PML: variants seen among roughly 807,000 people sequenced by gnomAD.
PML encodes protein PML.
A neutral mutation model predicts 65.2 loss-of-function variants in PML; 28 were observed. The observed-to-expected ratio is 0.43, with a 90% CI of 0.32 to 0.59. The LOEUF is 0.59. PML is among the 20% of genes least tolerant of loss of function. The pLI is 0.08. For synonymous variants in PML, 500 were observed against 508.8 expected (o/e 0.98, Z 0.23); for missense variants, 1,021 against 1,203.4 (o/e 0.85, Z 2.24).
At chr15:74,010,546 A>G (rs1366638354) in intron 2 of PML, among the ~76,000 whole-genome samples, 1 of 151,876 alleles carries the variant, frequency 6.6e-6, no homozygotes, top group African/African-American at 2.4e-5. Context: ...AGAAATTAAC[A>G]AGCTTTTCTC....
rs747300098 is a variant in PML at position 73,998,249 on chromosome 15, G to A, written c.375G>A (p.Ala125=). ...RLSVYRQIVD[A]QAVCTRCKES... is the part of the protein sequence containing the mutation. ...CGGTGTACCGGCAGATTGTGGATGC[G>A]CAGGCTGTGTGCACCCGCTGCAAAG... Residue 125 remains alanine, a synonymous_variant, in exon 2 of 9, where the codon GCG becomes GCA. Transcript: ENST00000268058. The A allele has an allele frequency of 4.0e-5, 64 of 1,614,140 alleles. No homozygotes were observed. In the East Asian group the frequency reaches 1.3e-3, roughly 32 times the overall value.
At position 74,042,935 on chromosome 15, in the gene PML, A is replaced by G; in HGVS notation, c.1711-54A>G. 1.2e-6 allele frequency: 2 copies of G among 1,612,052 alleles called. No homozygotes were observed. Among genetic ancestry groups the G allele is most frequent in the East Asian group, 2.2e-5 (1 of 44,828 alleles). On this transcript the variant is annotated intron_variant, in intron 7 of 8. Coordinates refer to ENST00000268058, the MANE Select transcript of PML (RefSeq NM_033238.3). This position sits in a 1 kb window ranked among gnomAD's most constrained non-coding sequence, Gnocchi z 5.3. Reference sequence around the variant, plus strand: ...ATACCAGCTTGCTAGTGTTCTGCACAGGTGCTTGCCTTGGCCCTCTGAATC... The same window carrying G: ...ATACCAGCTTGCTAGTGTTCTGCACGGGTGCTTGCCTTGGCCCTCTGAATC...
At chr15:74,000,625 G>A (rs74514750) in intron 2 of PML, among the ~76,000 whole-genome samples, 7,034 of 152,194 alleles carry the variant, frequency 0.046, 238 homozygotes, top group East Asian at 0.19. Flanking sequence ...TATACTTTAA[G>A]TCATCTCTAG....
At chr15:74,001,178 T>C (rs2141720904) in intron 2 of PML, among the ~76,000 whole-genome samples, 1 of 152,318 alleles carries the variant, frequency 6.6e-6, no homozygotes, top group South Asian at 2.1e-4. Flanking sequence ...TTCAAAGTAC[T>C]GTACTTTTAG....
intron 5 of PML, 109 bp from the exon 6 acceptor site, chr15:74,033,047 G>A: frequency 5.1e-6 from 6 of 1,178,266 alleles, no homozygotes; most frequent in Admixed American, 1.8e-5. Flanking sequence ...GCAGAGGAGA[G>A]GGGACAGCAG....
At chr15:74,012,873 C>T (rs544459261) in intron 2 of PML, among the ~76,000 whole-genome samples, 1 of 151,952 alleles carries the variant, frequency 6.6e-6, no homozygotes, top group Non-Finnish European at 1.5e-5. Flanking sequence ...TTCCTTGAGT[C>T]TCTTGGTGTT....
At position 74,042,392 on chromosome 15, in the gene PML, AC is replaced by A. The variant is rs977917552; in HGVS notation, c.1711-596del. ...GTGTAGGACACTGGCACCTCGGCTG[AC>A]TTCGGGGACAAGAAAAGGCAGGCTC... On this transcript the variant is annotated intron_variant, in intron 7 of 8. Coordinates refer to ENST00000268058, the MANE Select transcript of PML (RefSeq NM_033238.3). This position sits in a 1 kb window ranked among gnomAD's most constrained non-coding sequence, Gnocchi z 5.3. 17 of 985,318 alleles carry A rather than the reference AC, an allele frequency of 1.7e-5. No individual in the cohort carries two copies. Among genetic ancestry groups the A allele is most frequent in the Non-Finnish European group, 1.9e-5 (16 of 829,932 alleles). 61.0% of individuals were successfully genotyped at this position (985,318 alleles called of 1,614,324 possible).
At position 74,047,495 on chromosome 15, in the gene PML, G is replaced by C; in HGVS notation, c.*2487G>C. ...ATATGTCACCTGTGCTTCATCTTTG[G>C]ACTATATCTCAGGTGTTTACGTGTC... On this transcript the variant is annotated 3_prime_UTR_variant, in exon 9 of 9. Transcript: ENST00000268058. 4.5e-6 allele frequency: 1 copy of C among 223,430 alleles called. No homozygotes were observed. Among genetic ancestry groups the C allele is most frequent in the Non-Finnish European group, 8.9e-6 (1 of 111,874 alleles). 13.8% of individuals were successfully genotyped at this position (223,430 alleles called of 1,614,324 possible).
At position 74,035,587 on chromosome 15, in the gene PML, A is replaced by C; in HGVS notation, c.1710+1057A>C. On this transcript the variant is annotated intron_variant, in intron 7 of 8. Transcript: ENST00000268058. The surrounding 1 kb of genome is among the most constrained non-coding windows in gnomAD (Gnocchi z 4.1). ...CCCCTCAACCATCCTGCCAATGCCCAGGAACATCCTGCCCAGCTGCAAAGG... is the reference window on the plus strand; with the variant it reads ...CCCCTCAACCATCCTGCCAATGCCCCGGAACATCCTGCCCAGCTGCAAAGG... 6.2e-7 allele frequency: 1 copy of C among 1,612,424 alleles called. No individual in the cohort carries two copies. Among genetic ancestry groups the C allele is most frequent in the Non-Finnish European group, 8.5e-7 (1 of 1,179,908 alleles).
intron 2 of PML, among the ~76,000 whole-genome samples, chr15:74,009,131 C>G (rs2070204181): frequency 6.6e-6 from 1 of 152,182 alleles, no homozygotes; most frequent in South Asian, 2.1e-4. Flanking sequence ...TCCACCCAAG[C>G]ATGGTGTGGG....
Position 74,032,592 on chromosome 15 carries a change from G to A in PML, c.1275G>A (p.Val425=), listed in dbSNP as rs532878240. 62 of 1,614,098 alleles carry A rather than the reference G, an allele frequency of 3.8e-5. No homozygotes were observed. In the South Asian group the frequency reaches 6.1e-4, roughly 16 times the overall value. ...TGCAGCCCGAGGAGGCAGAGAGAGT[G>A]AAGGCCCAGGTTCAGGCCCTGGGGC... ...DVDLPEEAER[V]KAQVQALGLA... The change falls in exon 5 of 9, where the codon GTG becomes GTA. Residue 425 remains valine (V), a synonymous_variant. Transcript: ENST00000268058.
intron 7 of PML, chr15:74,036,277 C>T (rs1486841521): frequency 1.6e-5 from 24 of 1,475,834 alleles, no homozygotes; most frequent in Non-Finnish European, 2.1e-5. Context: ...CATGCCCCGA[C>T]CCCCACCCCA....
Position 74,012,269 on chromosome 15 carries a change from G to A in PML, c.603-10559G>A, listed in dbSNP as rs369937260. Among the ~76,000 whole-genome samples the A allele has an allele frequency of 1.6e-3, 245 of 152,216 alleles. 2 individuals are homozygous for A. The highest frequency in any genetic ancestry group is 5.1e-3 in the African/African-American group (212 of 41,516). On this transcript the variant is annotated intron_variant, in intron 2 of 8. Transcript: ENST00000268058. ...TGGCTCACTGCAACCTCCGCCTCCC[G>A]GGTTCAAGCAATTCTCCTGCCTCAG...
At position 74,035,040 on chromosome 15, in the gene PML, C is replaced by G; in HGVS notation, c.1710+510C>G. The G allele has an allele frequency of 1.4e-6, 2 of 1,468,082 alleles. No individual in the cohort carries two copies. The highest frequency in any genetic ancestry group is 4.5e-5 in the East Asian group (2 of 44,124). The allele number at this position is 1,468,082 out of a possible 1,614,324, so 90.9% of individuals were successfully genotyped here. A position where few individuals can be genotyped will look rare whatever the true frequency, so the allele number is the denominator to read the frequency against. ...CTCGTGGGTAGTGACCCTTCTGTCC[C>G]TAGAGGTTTATTACTAGAGGCTGGA... On this transcript the variant is annotated intron_variant, in intron 7 of 8. Transcript: ENST00000268058. This position sits in a 1 kb window ranked among gnomAD's most constrained non-coding sequence, Gnocchi z 4.1.
In PML at chr15:74,037,465, A is replaced by G. The variant is rs2071596799; in HGVS notation, c.1710+2935A>G. On this transcript the variant is annotated intron_variant, in intron 7 of 8. Transcript: ENST00000268058. The surrounding 1 kb of genome is among the most constrained non-coding windows in gnomAD (Gnocchi z 4.2). ...TAATGTATCCACTGCCTTCTGAACT[A>G]AACACCCTGAATGAGGTCTTTCTCA... The G allele has an allele frequency of 1.0e-6, 1 of 985,252 alleles. No homozygotes were observed. 61.0% of individuals were successfully genotyped at this position (985,252 alleles called of 1,614,324 possible).
At position 74,037,002 on chromosome 15, in the gene PML, C is replaced by A; in HGVS notation, c.1710+2472C>A. 1.0e-6 allele frequency: 1 copy of A among 985,472 alleles called. No homozygotes were observed. The highest frequency in any genetic ancestry group is 1.2e-6 in the Non-Finnish European group (1 of 829,936). The allele number at this position is 985,472 out of a possible 1,614,324, so 61.0% of individuals were successfully genotyped here. A position where few individuals can be genotyped will look rare whatever the true frequency, so the allele number is the denominator to read the frequency against. On this transcript the variant is annotated intron_variant, in intron 7 of 8. Transcript: ENST00000268058. This position sits in a 1 kb window ranked among gnomAD's most constrained non-coding sequence, Gnocchi z 4.2. ...CATCTTTCATCAGAATTGCAGCTCC[C>A]TGCCCAGCAGAAAATCCTGGAAGGA...
intron 2 of PML, among the ~76,000 whole-genome samples, chr15:74,005,205 A>G (rs1179940166): frequency 1.3e-5 from 2 of 151,672 alleles, no homozygotes; most frequent in African/African-American, 4.9e-5. Flanking sequence ...GGTGCGCACC[A>G]CCATGCCCAG....
intron 2 of PML, among the ~76,000 whole-genome samples, chr15:74,010,617 A>G (rs1253854191): frequency 6.6e-6 from 1 of 152,186 alleles, no homozygotes; most frequent in Non-Finnish European, 1.5e-5. Flanking sequence ...CCAGCCAGAC[A>G]GCCATTGAGC....
rs958002310 is a variant in PML at position 74,043,022 on chromosome 15, T to A, written c.1744T>A (p.Ser582Thr). 7.4e-6 allele frequency: 12 copies of A among 1,612,998 alleles called. No individual in the cohort carries two copies. Among genetic ancestry groups the A allele is most frequent in the Non-Finnish European group, 1.0e-5 (12 of 1,179,764 alleles). ...AGAGCTGGATGACAGCAGCAGTGAG[T>A]CCAGTGACCTCCAGCTGGAAGGCCC... ...SRELDDSSSE[S>T]SDLQLEGPST... is the part of the protein sequence containing the mutation. The change falls in exon 8 of 9, where the codon TCC (serine) becomes ACC (threonine). Residue 582 changes from serine (S) to threonine (T), a missense_variant. Ser to Thr is a moderately conservative substitution (Grantham distance 58, BLOSUM62 1). Coordinates refer to ENST00000268058, the MANE Select transcript of PML (RefSeq NM_033238.3). This position sits in a 1 kb window ranked among gnomAD's most constrained non-coding sequence, Gnocchi z 4.3.
Sources: allele counts gnomAD v4.1 joint callset (sites outside exome capture counted in the v4.1 genomes callset), GRCh38; gene constraint gnomAD v4.1.1; non-coding constraint Gnocchi (gnomAD v3.1); transcripts MANE v1.5; gene names NCBI Gene and HGNC (gene_info 2026-07-23, HGNC 2026-07-21).